The following FMNL2 variants were observed in gnomAD, a reference collection of about 807,000 sequenced individuals.
The protein encoded by FMNL2 is formin like 2.
A neutral mutation model predicts 130.2 loss-of-function variants in FMNL2; 51 were observed. That is an observed-to-expected ratio of 0.39 (90% CI 0.31 to 0.49). The LOEUF (loss-of-function observed/expected upper bound fraction) is 0.49. Among genes scored for constraint, FMNL2 ranks in the 20% least tolerant of loss-of-function variants. The pLI is 0.85. For synonymous variants in FMNL2, 465 were observed against 467.1 expected (o/e 1.00, Z 0.06); for missense variants, 977 against 1,316.2 (o/e 0.74, Z 3.99).
chr2:152,548,486 T>G (rs940190973), intron 3 of FMNL2, among the ~76,000 whole-genome samples: 15 of 152,162 alleles, frequency 9.9e-5, no homozygotes, highest in African/African-American at 3.6e-4. Flanking sequence ...TTAAACCAGC[T>G]CCCAATAAGA....
intron 25 of FMNL2, chr2:152,643,481 C>T: frequency 6.5e-6 from 10 of 1,536,142 alleles, no homozygotes; most frequent in Non-Finnish European, 8.7e-6. Context: ...TTTCTGCGAA[C>T]CTGTTCTCAC....
At chr2:152,419,335 AG>A (rs1365381530) in intron 1 of FMNL2, among the ~76,000 whole-genome samples, 1 of 152,302 alleles carries the variant, frequency 6.6e-6, no homozygotes, top group African/African-American at 2.4e-5. Context: ...CGAAATGTAC[AG>A]TATGCTATTA....
intron 9 of FMNL2, among the ~76,000 whole-genome samples, chr2:152,586,403 G>C (rs996513908): frequency 1.3e-5 from 2 of 152,220 alleles, no homozygotes; most frequent in East Asian, 3.8e-4. Context: ...AAGAAAGCCT[G>C]TCAAGTTTTA....
chr2:152,644,157 G>A (rs917457673), intron 25 of FMNL2, among the ~76,000 whole-genome samples: 7 of 152,160 alleles, frequency 4.6e-5, no homozygotes, highest in African/African-American at 1.7e-4. Context: ...GGAGGTGGAG[G>A]TTGCAGTGAG....
chr2:152,635,479 C>CA (rs1682516780), intron 21 of FMNL2, among the ~76,000 whole-genome samples: 1 of 152,196 alleles, frequency 6.6e-6, no homozygotes, highest in Non-Finnish European at 1.5e-5. Context: ...AAAATAAATA[C>CA]AAACAGCAAG....
intron 1 of FMNL2, among the ~76,000 whole-genome samples, chr2:152,347,947 C>T (rs535852691): frequency 4.9e-4 from 70 of 143,792 alleles, no homozygotes; most frequent in Non-Finnish European, 7.8e-4. Flanking sequence ...TTTTCTTTTT[C>T]GTTTTTTAAT....
At chr2:152,538,711 A>T (rs982967239) in intron 2 of FMNL2, among the ~76,000 whole-genome samples, 1 of 152,202 alleles carries the variant, frequency 6.6e-6, no homozygotes, top group Non-Finnish European at 1.5e-5. Context: ...AGTGTTATGG[A>T]GGAAGAATAC....
chr2:152,554,180 C>A (rs1352534108), intron 4 of FMNL2, among the ~76,000 whole-genome samples: 2 of 152,114 alleles, frequency 1.3e-5, no homozygotes, highest in African/African-American at 4.8e-5. Flanking sequence ...CCAAGGTGGG[C>A]AGGATGGCTT....
At chr2:152,376,066 G>C (rs1436088186) in intron 1 of FMNL2, among the ~76,000 whole-genome samples, 2 of 151,754 alleles carry the variant, frequency 1.3e-5, no homozygotes, top group African/African-American at 4.8e-5. Context: ...GCTAAGTTTT[G>C]TATTTTTAGT....
chr2:152,636,557 G>A lies in FMNL2; in HGVS notation c.2811G>A (p.Leu937=). 6 of 1,574,614 alleles carry A rather than the reference G, an allele frequency of 3.8e-6. No homozygotes were observed. Among genetic ancestry groups the A allele is most frequent in the Non-Finnish European group, 5.2e-6 (6 of 1,159,152 alleles). The change falls in exon 22 of 26, where the codon CTG becomes CTA. Residue 937 remains leucine, a synonymous_variant. Coordinates refer to ENST00000288670, the MANE Select transcript of FMNL2 (RefSeq NM_052905.4). ...KEFILNNEGK[L]KKLQDDAKIA... ...TCATCCTCAACAATGAGGGGAAGCT[G>A]AAGAAGCTGCAGGATGATGCCAAGA...
chr2:152,357,016 A>G (rs181951014), intron 1 of FMNL2, among the ~76,000 whole-genome samples: 49 of 147,334 alleles, frequency 3.3e-4, no homozygotes, highest in South Asian at 8.6e-4. Flanking sequence ...AGTTTAATAT[A>G]TAATGATAAA....
chr2:152,479,602 A>T (rs1309727496), intron 1 of FMNL2, among the ~76,000 whole-genome samples: 1 of 152,108 alleles, frequency 6.6e-6, no homozygotes, highest in African/African-American at 2.4e-5. Flanking sequence ...ATGTTTTTAC[A>T]TTCTAAATTA....
chr2:152,537,585 C>G (rs1326112200), intron 2 of FMNL2, among the ~76,000 whole-genome samples: 1 of 152,108 alleles, frequency 6.6e-6, no homozygotes, highest in Non-Finnish European at 1.5e-5. Flanking sequence ...CTTATAGTCT[C>G]TTTGTTTACT....
chr2:152,600,731 CT>C (rs34566823), intron 9 of FMNL2, among the ~76,000 whole-genome samples: 30 of 147,596 alleles, frequency 2.0e-4, no homozygotes, highest in African/African-American at 2.7e-4. Context: ...ATAGTTGGAG[CT>C]TTTTTTTTTT....
intron 1 of FMNL2, among the ~76,000 whole-genome samples, chr2:152,491,357 C>T (rs7590207): frequency 0.42 from 63,108 of 151,852 alleles, 13,518 homozygotes; most frequent in East Asian, 0.67. Flanking sequence ...CTGGGGTTGC[C>T]GCCTAGGCTG....
At chr2:152,363,953 T>TA (rs1037055488) in intron 1 of FMNL2, among the ~76,000 whole-genome samples, 17 of 152,138 alleles carry the variant, frequency 1.1e-4, no homozygotes, top group African/African-American at 4.1e-4. Context: ...CCAAATAACT[T>TA]AGAGTTAATT....
intron 1 of FMNL2, among the ~76,000 whole-genome samples, chr2:152,446,682 G>C (rs1688354763): frequency 6.6e-6 from 1 of 152,222 alleles, no homozygotes; most frequent in Admixed American, 6.5e-5. Flanking sequence ...AAATGGAAGA[G>C]AATAGCAATT....
At chr2:152,339,142 G>GC (rs1681654688) in intron 1 of FMNL2, among the ~76,000 whole-genome samples, 1 of 152,156 alleles carries the variant, frequency 6.6e-6, no homozygotes, top group African/African-American at 2.4e-5. Context: ...GGCCTCATGG[G>GC]CCCAACGCAA....
intron 3 of FMNL2, among the ~76,000 whole-genome samples, chr2:152,543,356 C>G (rs560037015): frequency 5.3e-5 from 8 of 152,156 alleles, no homozygotes; most frequent in Non-Finnish European, 1.0e-4. Context: ...CAAACAAGCC[C>G]TGCTTTGTGC....
Sources: gnomAD v4.1 joint callset for allele counts (sites outside exome capture counted in the v4.1 genomes callset) on GRCh38, gnomAD v4.1.1 for gene constraint, MANE v1.5 for transcripts, NCBI Gene and HGNC (gene_info 2026-07-23, HGNC 2026-07-21) for gene names.